Variants in CRACDL observed in about 807,000 individuals in gnomAD.
The protein encoded by CRACDL is CRACD like, also known as CRACD-like protein.
CRACDL carries 26 observed loss-of-function variants against 70.6 expected under a neutral mutation model. The ratio of observed to expected loss-of-function variants is 0.37; its 90% CI spans 0.27 to 0.51. The LOEUF is 0.51. Among genes scored for constraint, CRACDL ranks in the 20% least tolerant of loss-of-function variants. The pLI, the probability that CRACDL is intolerant of heterozygous loss-of-function variation, is 0.94. For synonymous variants in CRACDL, 618 were observed against 615.2 expected, an observed-to-expected ratio of 1.00 and a Z score of -0.07; for missense variants, 1,283 against 1,376.9, an observed-to-expected ratio of 0.93 and a Z score of 1.08.
intron 1 of CRACDL, among the ~76,000 whole-genome samples, chr2:98,902,663 AG>A (rs991367798): frequency 6.6e-6 from 1 of 152,036 alleles, no homozygotes; most frequent in Non-Finnish European, 1.5e-5. Context: ...GCTGGAGGGA[AG>A]GGTCTGTAGG....
At chr2:98,871,888 A>T (rs1339713325) in intron 1 of CRACDL, among the ~76,000 whole-genome samples, 1 of 152,238 alleles carries the variant, frequency 6.6e-6, no homozygotes, top group Non-Finnish European at 1.5e-5. Flanking sequence ...GACTGCTAAG[A>T]GTATGCAATA....
intron 1 of CRACDL, among the ~76,000 whole-genome samples, chr2:98,899,630 CTG>C (rs1558630237): frequency 6.6e-6 from 1 of 151,828 alleles, no homozygotes; most frequent in Non-Finnish European, 1.5e-5. Flanking sequence ...CCCAGTGAGA[CTG>C]GAGTGAAAAA....
chr2:98,903,161 T>A (rs1708322660), intron 1 of CRACDL, among the ~76,000 whole-genome samples: 1 of 152,022 alleles, frequency 6.6e-6, no homozygotes, highest in South Asian at 2.1e-4. Context: ...TGCGGAGAGC[T>A]CACTTCTCCG....
intron 1 of CRACDL, among the ~76,000 whole-genome samples, chr2:98,885,919 T>TA (rs5832860): frequency 5.3e-4 from 78 of 147,306 alleles, no homozygotes; most frequent in East Asian, 2.4e-3. Context: ...GAAAACTGGT[T>TA]AAAAAAAAAA....
chr2:98,921,704 C>T (rs1205965678), intron 1 of CRACDL, among the ~76,000 whole-genome samples: 4 of 152,204 alleles, frequency 2.6e-5, no homozygotes, highest in South Asian at 2.1e-4. Flanking sequence ...GATCCTGAGA[C>T]GTGCTCAGAA....
chr2:98,840,182 C>T (rs368823944), intron 2 of CRACDL, among the ~76,000 whole-genome samples: 2 of 152,096 alleles, frequency 1.3e-5, no homozygotes, highest in Non-Finnish European at 2.9e-5. Context: ...GCTGCATCTA[C>T]GTGTTTTAAA....
chr2:98,887,323 TA>T (rs535413432), intron 1 of CRACDL, among the ~76,000 whole-genome samples: 232 of 151,366 alleles, frequency 1.5e-3, no homozygotes, highest in African/African-American at 5.4e-3. Context: ...TATCTCTATT[TA>T]AAAAAAAATT....
intron 1 of CRACDL, among the ~76,000 whole-genome samples, chr2:98,893,886 G>A (rs1002610251): frequency 2.0e-5 from 3 of 152,274 alleles, no homozygotes; most frequent in South Asian, 4.2e-4. Context: ...CCACACGAAC[G>A]CCCGTGCACC....
At chr2:98,854,493 T>C (rs529046595) in intron 1 of CRACDL, among the ~76,000 whole-genome samples, 5 of 152,042 alleles carry the variant, frequency 3.3e-5, no homozygotes, top group Admixed American at 3.3e-4. Context: ...CAAAATGAAA[T>C]ACTTCTGCTC....
intron 1 of CRACDL, among the ~76,000 whole-genome samples, chr2:98,874,297 T>C (rs972859544): frequency 2.0e-4 from 30 of 152,236 alleles, no homozygotes; most frequent in African/African-American, 7.2e-4. Flanking sequence ...ATAGATTACA[T>C]TGATCCCTGA....
At chr2:98,875,188 C>T (rs1412803773) in intron 1 of CRACDL, among the ~76,000 whole-genome samples, 1 of 152,238 alleles carries the variant, frequency 6.6e-6, no homozygotes, top group African/African-American at 2.4e-5. Context: ...GGCACGGCCC[C>T]CCGCCCATGT....
chr2:98,865,011 C>A (rs1255437250), intron 1 of CRACDL, among the ~76,000 whole-genome samples: 1 of 152,190 alleles, frequency 6.6e-6, no homozygotes, highest in African/African-American at 2.4e-5. Context: ...GGGATGCAAT[C>A]TCATGGAGAA....
At chr2:98,930,572 C>T (rs896501197) in intron 1 of CRACDL, among the ~76,000 whole-genome samples, 7 of 150,810 alleles carry the variant, frequency 4.6e-5, no homozygotes, top group African/African-American at 1.7e-4. Flanking sequence ...CCTATCCTAC[C>T]TATATCACCT....
In CRACDL at chr2:98,822,058, T is replaced by C. The variant is rs61042973; in HGVS notation, c.2215A>G (p.Thr739Ala). 33,541 of 1,548,592 alleles carry C rather than the reference T, an allele frequency of 0.022. 703 individuals carry two copies. The highest frequency in any genetic ancestry group is 0.11 in the East Asian group (4,325 of 40,862). Residue 739 changes from threonine (T) to alanine (A), a missense_variant, in exon 7 of 10, where the codon ACC (threonine) becomes GCC (alanine). This residue lies in a region of CRACDL where 921 missense variants were observed against 881.9 expected (regional missense o/e 1.04). Transcript: ENST00000397899. This position sits in a 1 kb window ranked among gnomAD's most constrained non-coding sequence, Gnocchi z 4.9. ...PLGTAPALRG[T>A]RAPSDQGKGK... ...TTTCCTTGGTCGCTGGGGGCCCTGG[T>C]GCCTCGAAGGGCGGGGGCCGTCCCG...
chr2:98,794,532 C>T lies in CRACDL; in HGVS notation c.2889G>A (p.Ter963=). ...AWSDMPQIIK[*] ...CATGCTTTATCAGCACACTGCCCAC[C>T]TATTTTATAATCTGGGGCATGTCAC... The change falls in exon 10 of 10, where the codon TAG becomes TAA. Residue 963 remains the stop codon, a stop_retained_variant. Transcript: ENST00000397899. The T allele has an allele frequency of 6.2e-7, 1 of 1,613,858 alleles. No individual in the cohort carries two copies. The highest frequency in any genetic ancestry group is 8.5e-7 in the Non-Finnish European group (1 of 1,179,784).
chr2:98,842,950 G>C (rs1469862664), intron 2 of CRACDL, among the ~76,000 whole-genome samples: 1 of 150,990 alleles, frequency 6.6e-6, no homozygotes, highest in Non-Finnish European at 1.5e-5. Flanking sequence ...GAGTTGGATT[G>C]CTGAGTCATA....
At chr2:98,898,532 C>T (rs1397040284) in intron 1 of CRACDL, among the ~76,000 whole-genome samples, 2 of 152,252 alleles carry the variant, frequency 1.3e-5, no homozygotes, top group South Asian at 2.1e-4. Context: ...TGCTCGGGGC[C>T]AGGGCACATG....
chr2:98,807,655 T>A (rs370728664), intron 7 of CRACDL, among the ~76,000 whole-genome samples: 21 of 152,236 alleles, frequency 1.4e-4, no homozygotes, highest in Non-Finnish European at 2.6e-4. Context: ...CTAAGTTTCT[T>A]TTCTTATTTA....
chr2:98,914,256 A>G (rs1708613514), intron 1 of CRACDL, among the ~76,000 whole-genome samples: 1 of 152,212 alleles, frequency 6.6e-6, no homozygotes, highest in East Asian at 1.9e-4. Flanking sequence ...GGGGCCCTTG[A>G]GCAACTCGCA....
Sources: allele counts gnomAD v4.1 joint callset (sites outside exome capture counted in the v4.1 genomes callset), GRCh38; gene constraint gnomAD v4.1.1; regional missense constraint gnomAD v4.1.1; non-coding constraint Gnocchi (gnomAD v3.1); transcripts MANE v1.5; gene names NCBI Gene and HGNC (gene_info 2026-07-23, HGNC 2026-07-21).